The following NUBPL variants were observed in gnomAD, a reference collection of about 807,000 sequenced individuals.
NUBPL encodes the protein NUBP iron-sulfur cluster assembly factor, mitochondrial.
NUBPL carries 31 observed loss-of-function variants against 45.7 expected under a neutral mutation model. The ratio of observed to expected loss-of-function variants is 0.68; its 90% CI spans 0.51 to 0.92. The LOEUF (loss-of-function observed/expected upper bound fraction) is 0.92, where lower values mean the gene tolerates loss of function less well. Among genes scored for constraint, NUBPL ranks in the 40% least tolerant of loss-of-function variants. The pLI, the probability that NUBPL is intolerant of heterozygous loss-of-function variation, is 0.00. For synonymous variants in NUBPL, 144 were observed against 140.9 expected (o/e 1.02, Z -0.15); for missense variants, 401 against 398.7 (o/e 1.01, Z -0.05).
At chr14:31,608,398 A>G (rs1365749697) in intron 4 of NUBPL, among the ~76,000 whole-genome samples, 1 of 152,054 alleles carries the variant, frequency 6.6e-6, no homozygotes, top group East Asian at 1.9e-4. Flanking sequence ...TACTAAACAT[A>G]CAAAAATTAG....
chr14:31,802,389 C>T (rs572429805), intron 7 of NUBPL, among the ~76,000 whole-genome samples: 103 of 152,170 alleles, frequency 6.8e-4, no homozygotes, highest in African/African-American at 2.4e-3. Context: ...AATTCTCCTG[C>T]CTCAGCCTCC....
intron 4 of NUBPL, among the ~76,000 whole-genome samples, chr14:31,628,371 T>G (rs1420709768): frequency 6.6e-6 from 1 of 152,206 alleles, no homozygotes. Context: ...CTTCTAAGTG[T>G]TTACACATTT....
chr14:31,683,870 GT>G (rs1313262177), intron 6 of NUBPL, among the ~76,000 whole-genome samples: 1 of 151,960 alleles, frequency 6.6e-6, no homozygotes, highest in Non-Finnish European at 1.5e-5. Flanking sequence ...AGAATTTTGA[GT>G]TGACATTTTA....
At chr14:31,639,982 G>A (rs1022345918) in intron 4 of NUBPL, among the ~76,000 whole-genome samples, 3 of 152,198 alleles carry the variant, frequency 2.0e-5, no homozygotes, top group African/African-American at 7.2e-5. Flanking sequence ...TCCAGGTGCT[G>A]TCTGTCACCC....
chr14:31,700,827 C>T (rs1023466438), intron 6 of NUBPL, among the ~76,000 whole-genome samples: 1 of 152,088 alleles, frequency 6.6e-6, no homozygotes, highest in Admixed American at 6.5e-5. Flanking sequence ...CCAGCCCCCT[C>T]CCCCCCACCA....
chr14:31,823,596 C>T (rs1414545439), intron 7 of NUBPL, among the ~76,000 whole-genome samples: 2 of 151,854 alleles, frequency 1.3e-5, no homozygotes, highest in African/African-American at 2.4e-5. Context: ...GAGCAGAGGT[C>T]GTTCTAAAAG....
At chr14:31,696,610 T>C (rs1200439708) in intron 6 of NUBPL, among the ~76,000 whole-genome samples, 2 of 152,222 alleles carry the variant, frequency 1.3e-5, no homozygotes, top group Non-Finnish European at 2.9e-5. Context: ...TCAACCCATT[T>C]GTAGACTAAC....
At chr14:31,611,053 C>T (rs1376756483) in intron 4 of NUBPL, among the ~76,000 whole-genome samples, 1 of 152,114 alleles carries the variant, frequency 6.6e-6, no homozygotes, top group African/African-American at 2.4e-5. Context: ...CACTGTTATT[C>T]AACATAGTAC....
chr14:31,725,728 T>TTG (rs2037907352), intron 6 of NUBPL, among the ~76,000 whole-genome samples: 2 of 149,184 alleles, frequency 1.3e-5, no homozygotes, highest in South Asian at 4.3e-4. Flanking sequence ...TTTTTTTTTT[T>TTG]GACTTGAGTC....
intron 4 of NUBPL, among the ~76,000 whole-genome samples, chr14:31,667,345 T>G (rs1402672145): frequency 6.6e-6 from 1 of 151,956 alleles, no homozygotes; most frequent in Non-Finnish European, 1.5e-5. Context: ...TCAATTCGAC[T>G]ATTGATACTT....
intron 6 of NUBPL, among the ~76,000 whole-genome samples, chr14:31,691,726 G>A (rs2037098649): frequency 6.6e-6 from 1 of 152,186 alleles, no homozygotes. Flanking sequence ...AGAGTAGGAG[G>A]TGGGGTGAAG....
At chr14:31,634,301 A>C (rs1169122097) in intron 4 of NUBPL, among the ~76,000 whole-genome samples, 2 of 130,240 alleles carry the variant, frequency 1.5e-5, no homozygotes, top group Non-Finnish European at 3.1e-5. Flanking sequence ...ATGTGTTCTC[A>C]TTGTTCAATT....
chr14:31,612,985 C>G (rs925871430), intron 4 of NUBPL, among the ~76,000 whole-genome samples: 3 of 152,128 alleles, frequency 2.0e-5, no homozygotes, highest in Non-Finnish European at 4.4e-5. Flanking sequence ...GAAGAGATAC[C>G]TACACTCCCA....
intron 6 of NUBPL, among the ~76,000 whole-genome samples, chr14:31,684,123 C>G (rs2036900005): frequency 6.6e-6 from 1 of 152,152 alleles, no homozygotes; most frequent in Non-Finnish European, 1.5e-5. Context: ...TGAGTTTATT[C>G]CATTTTCAAT....
intron 8 of NUBPL, among the ~76,000 whole-genome samples, chr14:31,836,934 T>A (rs2040290427): frequency 6.6e-6 from 1 of 152,242 alleles, no homozygotes; most frequent in African/African-American, 2.4e-5. Flanking sequence ...CTGCACAGAA[T>A]GAGATAACCA....
chr14:31,715,737 C>A (rs2037673162), intron 6 of NUBPL, among the ~76,000 whole-genome samples: 2 of 152,218 alleles, frequency 1.3e-5, no homozygotes, highest in Admixed American at 1.3e-4. Context: ...AATGTGATTG[C>A]CTAGAACATT....
chr14:31,754,591 C>CTTTTTTTTTTTTTTTTT (rs59085679), intron 6 of NUBPL, among the ~76,000 whole-genome samples: 5 of 103,700 alleles, frequency 4.8e-5, no homozygotes, highest in Admixed American at 1.0e-4. Flanking sequence ...AGAGGGTTTT[C>CTTTTTTTTTTTTTTTTT]TTTTTTTTTT....
chr14:31,633,133 C>G (rs1183649841), intron 4 of NUBPL, among the ~76,000 whole-genome samples: 1 of 152,150 alleles, frequency 6.6e-6, no homozygotes, highest in Non-Finnish European at 1.5e-5. Context: ...TGCTTTGCAT[C>G]TTTGGCTGTG....
chr14:31,737,886 C>G (rs2038197585), intron 6 of NUBPL, among the ~76,000 whole-genome samples: 1 of 152,188 alleles, frequency 6.6e-6, no homozygotes, highest in African/African-American at 2.4e-5. Flanking sequence ...CAATTTGAAC[C>G]AATAATTCTT....
Sources: allele counts gnomAD v4.1 joint callset (sites outside exome capture counted in the v4.1 genomes callset), GRCh38; gene constraint gnomAD v4.1.1; transcripts MANE v1.5; gene names NCBI Gene and HGNC (gene_info 2026-07-23, HGNC 2026-07-21).